Variants in DSCAM observed in about 807,000 individuals in gnomAD.
DSCAM encodes the protein DS cell adhesion molecule, also known as cell adhesion molecule DSCAM.
In DSCAM, 47 loss-of-function variants were observed where a neutral mutation model predicts 217.7. The ratio of observed to expected loss-of-function variants is 0.22; its 90% CI spans 0.17 to 0.28. The LOEUF (loss-of-function observed/expected upper bound fraction) is 0.28. Among genes scored for constraint, DSCAM ranks in the 10% least tolerant of loss-of-function variants. DSCAM has a pLI of 1.00. For missense variants in DSCAM, 2,080 were observed against 2,618.3 expected (o/e 0.79, Z 4.49); for synonymous variants, 1,056 against 1,015.3 (o/e 1.04, Z -0.76).
chr21:40,095,472 T>C (rs2089664243), intron 20 of DSCAM, among the ~76,000 whole-genome samples: 1 of 152,210 alleles, frequency 6.6e-6, no homozygotes, highest in Non-Finnish European at 1.5e-5. Flanking sequence ...TGTGATTCTC[T>C]TCATTTAAAA....
At chr21:40,435,694 A>G (rs1212199675) in intron 3 of DSCAM, among the ~76,000 whole-genome samples, 1 of 152,176 alleles carries the variant, frequency 6.6e-6, no homozygotes, top group Non-Finnish European at 1.5e-5. Context: ...AGCTGAGCAT[A>G]TTTGTGTGGG....
At chr21:40,497,759 T>C (rs745315181) in intron 3 of DSCAM, among the ~76,000 whole-genome samples, 60 of 152,212 alleles carry the variant, frequency 3.9e-4, no homozygotes, top group Non-Finnish European at 2.9e-4. Flanking sequence ...AATATACAAA[T>C]AAATTGTTTA....
chr21:40,078,629 G>A (rs1234295744), intron 26 of DSCAM, 58 bp downstream of exon 26: 3 of 1,572,328 alleles, frequency 1.9e-6, no homozygotes, highest in East Asian at 2.2e-5. Flanking sequence ...AAGGGGCAGG[G>A]CCCACGTGCA....
At chr21:40,188,289 A>G (rs1481031078) in intron 12 of DSCAM, among the ~76,000 whole-genome samples, 2 of 152,242 alleles carry the variant, frequency 1.3e-5, no homozygotes, top group Non-Finnish European at 2.9e-5. Flanking sequence ...TGTGTAATTT[A>G]TATAAGATGT....
chr21:40,422,465 A>G (rs1204252515), intron 3 of DSCAM, among the ~76,000 whole-genome samples: 1 of 113,582 alleles, frequency 8.8e-6, no homozygotes, highest in Admixed American at 8.4e-5. Context: ...CTCCATCTCT[A>G]CTAAAAAAAA....
At chr21:40,466,469 G>GTTTCC (rs2075846372) in intron 3 of DSCAM, among the ~76,000 whole-genome samples, 1 of 152,132 alleles carries the variant, frequency 6.6e-6, no homozygotes, top group South Asian at 2.1e-4. Flanking sequence ...TAACAAGTGT[G>GTTTCC]TTTCCATCTC....
intron 3 of DSCAM, among the ~76,000 whole-genome samples, chr21:40,374,617 T>A (rs1569091606): frequency 6.6e-6 from 1 of 152,214 alleles, no homozygotes; most frequent in African/African-American, 2.4e-5. Context: ...ATCACAGACA[T>A]CTGCTATGAA....
intron 19 of DSCAM, among the ~76,000 whole-genome samples, chr21:40,131,180 G>T (rs758313818): frequency 6.6e-6 from 1 of 152,100 alleles, no homozygotes; most frequent in Non-Finnish European, 1.5e-5. Flanking sequence ...GTATAAATAC[G>T]ATCTGTAATC....
At chr21:40,496,907 T>A (rs929615557) in intron 3 of DSCAM, among the ~76,000 whole-genome samples, 3 of 152,156 alleles carry the variant, frequency 2.0e-5, no homozygotes, top group Non-Finnish European at 4.4e-5. Context: ...ACATCATTAA[T>A]CATCAGCAAA....
intron 20 of DSCAM, among the ~76,000 whole-genome samples, chr21:40,121,511 C>T (rs1162119016): frequency 6.6e-6 from 1 of 151,932 alleles, no homozygotes; most frequent in African/African-American, 2.4e-5. Context: ...CTGGGACCTC[C>T]TTGTAACACT....
chr21:40,624,869 A>C (rs538233591), intron 3 of DSCAM, among the ~76,000 whole-genome samples: 1 of 152,328 alleles, frequency 6.6e-6, no homozygotes, highest in African/African-American at 2.4e-5. Flanking sequence ...GGTGTAAGTA[A>C]TTGAATGATA....
At chr21:40,775,482 C>T (rs1019270457) in intron 1 of DSCAM, among the ~76,000 whole-genome samples, 3 of 152,104 alleles carry the variant, frequency 2.0e-5, no homozygotes, top group African/African-American at 7.2e-5. Context: ...TTGTCAGGTG[C>T]ACCATCCAAT....
In DSCAM at chr21:40,142,564, C is replaced by A; in HGVS notation, c.3400G>T (p.Asp1134Tyr). 1.2e-6 allele frequency: 2 copies of A among 1,614,076 alleles called. No individual in the cohort carries two copies. Among genetic ancestry groups the A allele is most frequent in the Non-Finnish European group, 8.5e-7 (1 of 1,179,984 alleles). ...FRVIYWANLM[D>Y]GELGEIKNIT... is the part of the protein sequence containing the mutation. ...CCTAGTTTAGTCCTCTTACCTCCGTCCATGAGGTTGGCCCAGTAAATGACT... is the reference window on the plus strand; with the variant it reads ...CCTAGTTTAGTCCTCTTACCTCCGTACATGAGGTTGGCCCAGTAAATGACT... The change falls in exon 18 of 33, where the codon GAC (aspartate) becomes TAC (tyrosine). Residue 1134 changes from aspartate to tyrosine, a missense_variant. Physicochemically the swap from Asp to Tyr is radical, Grantham distance 160 (BLOSUM62 -3). Transcript: ENST00000400454.
intron 21 of DSCAM, among the ~76,000 whole-genome samples, chr21:40,093,228 T>C (rs2089633422): frequency 6.6e-6 from 1 of 152,254 alleles, no homozygotes; most frequent in African/African-American, 2.4e-5. Context: ...ATATTCACTT[T>C]AAGGAACTTT....
intron 8 of DSCAM, among the ~76,000 whole-genome samples, chr21:40,334,744 C>T (rs1314115290): frequency 1.3e-5 from 2 of 152,122 alleles, no homozygotes; most frequent in African/African-American, 4.8e-5. Context: ...AACTACTAGA[C>T]TGGAAGTATT....
At chr21:40,391,740 A>C (rs1176009632) in intron 3 of DSCAM, among the ~76,000 whole-genome samples, 2 of 152,244 alleles carry the variant, frequency 1.3e-5, no homozygotes, top group Non-Finnish European at 2.9e-5. Flanking sequence ...AAATATTTAG[A>C]GAAGTGTATT....
intron 3 of DSCAM, among the ~76,000 whole-genome samples, chr21:40,405,940 C>T (rs1007540174): frequency 6.6e-6 from 1 of 152,026 alleles, no homozygotes; most frequent in Admixed American, 6.6e-5. Flanking sequence ...GCAGTTGCAG[C>T]GAGCCGAGAT....
chr21:40,250,693 C>G (rs1339732635), intron 11 of DSCAM, among the ~76,000 whole-genome samples: 1 of 152,196 alleles, frequency 6.6e-6, no homozygotes, highest in East Asian at 1.9e-4. Flanking sequence ...TCAGTGAGGG[C>G]TGCTGTGCTG....
chr21:40,772,358 G>A (rs2091452937), intron 1 of DSCAM, among the ~76,000 whole-genome samples: 2 of 151,462 alleles, frequency 1.3e-5, no homozygotes, highest in South Asian at 2.1e-4. Context: ...TAATAGAGAC[G>A]GGGTTTCACC....
Sources: allele counts gnomAD v4.1 joint callset (sites outside exome capture counted in the v4.1 genomes callset), GRCh38; gene constraint gnomAD v4.1.1; transcripts MANE v1.5; gene names NCBI Gene and HGNC (gene_info 2026-07-23, HGNC 2026-07-21).